SNX18: variants seen among roughly 807,000 people sequenced by gnomAD.
SNX18 encodes the protein sorting nexin-18.
In SNX18, 35 loss-of-function variants were observed where a neutral mutation model predicts 48.7. That is an observed-to-expected ratio of 0.72 (90% CI 0.55 to 0.95). SNX18 has a LOEUF of 0.95. SNX18 is among the 40% of genes least tolerant of loss of function. SNX18 has a pLI of 0.00. For synonymous variants in SNX18, 492 were observed against 384.7 expected (o/e 1.28, Z -3.26); for missense variants, 824 against 871.0 (o/e 0.95, Z 0.68).
Position 54,519,061 on chromosome 5 carries a change from C to T in SNX18, c.1109C>T (p.Ala370Val). ...CACATGGCCAGCCACCCAGTGCTGGCGCAGTGCGACGTCTTCCAGCACTTC... is the reference window on the plus strand; with the variant it reads ...CACATGGCCAGCCACCCAGTGCTGGTGCAGTGCGACGTCTTCCAGCACTTC... The part of the protein sequence containing the change: ...MNHMASHPVL[A>V]QCDVFQHFLT... The change falls in exon 1 of 2, where the codon GCG becomes GTG. Residue 370 changes from alanine (A) to valine (V), a missense_variant. Physicochemically the swap from Ala to Val is moderately conservative, Grantham distance 64. Coordinates refer to ENST00000381410, the MANE Select transcript of SNX18 (RefSeq NM_001102575.2). The T allele has an allele frequency of 1.2e-6, 2 of 1,613,768 alleles. No individual in the cohort carries two copies. Among genetic ancestry groups the T allele is most frequent in the South Asian group, 1.1e-5 (1 of 91,050 alleles).
chr5:54,609,486 A>G, the SNX18 span, among the ~76,000 whole-genome samples: 2 of 151,996 alleles, frequency 1.3e-5, no homozygotes, highest in Admixed American at 6.6e-5. Context: ...TTATTTATTT[A>G]TAATATCTTA....
chr5:54,539,799 T>A (rs994243935), intron 1 of SNX18, among the ~76,000 whole-genome samples: 1 of 142,620 alleles, frequency 7.0e-6, no homozygotes, highest in African/African-American at 2.5e-5. Context: ...AAATTCATAC[T>A]TGGGAAAAAA....
At chr5:54,608,011 T>C in the SNX18 span, among the ~76,000 whole-genome samples, 1 of 152,206 alleles carries the variant, frequency 6.6e-6, no homozygotes, top group African/African-American at 2.4e-5. Flanking sequence ...ACATAAGTTT[T>C]CCTTTCCCTG....
At chr5:54,622,146 T>C in the SNX18 span, among the ~76,000 whole-genome samples, 1 of 152,224 alleles carries the variant, frequency 6.6e-6, no homozygotes, top group Non-Finnish European at 1.5e-5. Context: ...GCTATTTACA[T>C]AGTAGGAGGA....
At chr5:54,610,371 G>A in the SNX18 span, among the ~76,000 whole-genome samples, 5 of 152,134 alleles carry the variant, frequency 3.3e-5, no homozygotes, top group Non-Finnish European at 7.3e-5. Flanking sequence ...TACACACAAA[G>A]GAATGGAGGT....
chr5:54,628,808 C>T, the SNX18 span, among the ~76,000 whole-genome samples: 3 of 152,236 alleles, frequency 2.0e-5, no homozygotes, highest in African/African-American at 7.2e-5. Flanking sequence ...TGCACTTTAA[C>T]CCGTGCTGCA....
rs1762531792 is a variant in SNX18 at position 54,544,321 on chromosome 5, C to T, written c.*889C>T. ...GGGGATAAAAGTATCGAATCATTGA[C>T]AACACACACTTGGCTTTAGTTCTTA... is the stretch of plus-strand genomic sequence containing the variant. On this transcript the variant is annotated 3_prime_UTR_variant, in exon 2 of 2. Coordinates refer to ENST00000381410, the MANE Select transcript of SNX18 (RefSeq NM_001102575.2). 1 of 152,120 alleles carries T rather than the reference C, an allele frequency of 6.6e-6. No homozygotes were observed. Among genetic ancestry groups the T allele is most frequent in the African/African-American group, 2.4e-5 (1 of 41,492 alleles). 9.4% of individuals were successfully genotyped at this position (152,120 alleles called of 1,614,324 possible).
chr5:54,613,942 G>T, the SNX18 span, among the ~76,000 whole-genome samples: 2 of 152,156 alleles, frequency 1.3e-5, no homozygotes, highest in Non-Finnish European at 2.9e-5. Context: ...TGATCTGCCT[G>T]CCTCGGCCTC....
At chr5:54,626,301 TAA>T in the SNX18 span, among the ~76,000 whole-genome samples, 1 of 152,108 alleles carries the variant, frequency 6.6e-6, no homozygotes, top group East Asian at 1.9e-4. Context: ...CTCTGTACCC[TAA>T]ATATGAGATA....
At chr5:54,539,356 G>A (rs1291005225) in intron 1 of SNX18, among the ~76,000 whole-genome samples, 2 of 152,330 alleles carry the variant, frequency 1.3e-5, no homozygotes, top group East Asian at 3.9e-4. Flanking sequence ...CTGTTGTAAA[G>A]TTGTAGTGAA....
At chr5:54,643,067 G>A in the SNX18 span, among the ~76,000 whole-genome samples, 380 of 152,186 alleles carry the variant, frequency 2.5e-3, 1 homozygote, top group African/African-American at 8.8e-3. Context: ...TAACATTAAT[G>A]CTGTTGTTGT....
the SNX18 span, chr5:54,644,281 G>A: frequency 6.6e-6 from 1 of 152,244 alleles, no homozygotes; most frequent in African/African-American, 2.4e-5. Context: ...AGCCAAGAGT[G>A]ATGATAGCTT....
the SNX18 span, among the ~76,000 whole-genome samples, chr5:54,638,204 A>T: frequency 0.047 from 7,109 of 152,304 alleles, 561 homozygotes; most frequent in African/African-American, 0.16. Flanking sequence ...AATAGCTGCC[A>T]CGGTGCATTT....
At chr5:54,525,036 G>T (rs1762104772) in intron 1 of SNX18, among the ~76,000 whole-genome samples, 1 of 152,238 alleles carries the variant, frequency 6.6e-6, no homozygotes, top group Non-Finnish European at 1.5e-5. Flanking sequence ...ATCGCAGTGG[G>T]AGCTGGCCTG....
In SNX18 at chr5:54,543,721, A is replaced by G. The variant is rs372485274; in HGVS notation, c.*289A>G. ...TATTTGCCTTATTGCTTTTTGAAGT[A>G]TGGGTATTTTAGTGCATACTTTGTA... On this transcript the variant is annotated 3_prime_UTR_variant, in exon 2 of 2. Coordinates refer to ENST00000381410, the MANE Select transcript of SNX18 (RefSeq NM_001102575.2). 118 of 313,648 alleles carry G rather than the reference A, an allele frequency of 3.8e-4. No individual in the cohort carries two copies. In the East Asian group the frequency reaches 8.3e-3, roughly 22 times the overall value. The allele number at this position is 313,648 out of a possible 1,614,324, so 19.4% of individuals were successfully genotyped here.
chr5:54,571,242 C>A, the SNX18 span, among the ~76,000 whole-genome samples: 5 of 152,120 alleles, frequency 3.3e-5, no homozygotes, highest in Non-Finnish European at 5.9e-5. Flanking sequence ...GCACCCCTCC[C>A]AGTCTCTCGG....
chr5:54,641,569 A>T, the SNX18 span, among the ~76,000 whole-genome samples: 3 of 152,096 alleles, frequency 2.0e-5, no homozygotes, highest in Non-Finnish European at 2.9e-5. Flanking sequence ...AGGGCACTGC[A>T]CTCAGGGTTT....
At chr5:54,618,375 T>C in the SNX18 span, among the ~76,000 whole-genome samples, 5 of 152,184 alleles carry the variant, frequency 3.3e-5, no homozygotes, top group African/African-American at 4.8e-5. Flanking sequence ...GAGTTAGTAT[T>C]CCAGAGTAAG....
downstream of SNX18, among the ~76,000 whole-genome samples, chr5:54,550,431 C>T (rs1762632568): frequency 6.6e-6 from 1 of 151,928 alleles, no homozygotes; most frequent in Non-Finnish European, 1.5e-5. Flanking sequence ...CTGTAGGTAT[C>T]TATCATTTTT....
Sources: allele counts gnomAD v4.1 joint callset (sites outside exome capture counted in the v4.1 genomes callset), GRCh38; gene constraint gnomAD v4.1.1; transcripts MANE v1.5; gene names NCBI Gene and HGNC (gene_info 2026-07-23, HGNC 2026-07-21).